RTN1: variants seen among roughly 807,000 people sequenced by gnomAD.
RTN1 encodes reticulon 1.
Under a neutral mutation model 65.5 loss-of-function variants are expected in RTN1, and 25 were observed. The observed-to-expected ratio is 0.38, with a 90% CI of 0.28 to 0.53. The LOEUF is 0.53. Ranked by LOEUF, RTN1 falls within the 20% of genes least tolerant of loss-of-function variation. The pLI is 0.79. For missense variants in RTN1, 983 were observed against 1,025.4 expected, an observed-to-expected ratio of 0.96 and a Z score of 0.57; for synonymous variants, 471 against 447.6, an observed-to-expected ratio of 1.05 and a Z score of -0.66.
chr14:59,749,855 CTATATGTATATTTATATATCTATA>C (rs1293477740), intron 1 of RTN1, among the ~76,000 whole-genome samples: 1 of 104,886 alleles, frequency 9.5e-6, no homozygotes, highest in Non-Finnish European at 1.8e-5. Context: ...ATATATATAT[CTATATGTATATTTATATATCTATA>C]TATATACACA....
rs978187733 is a variant in RTN1 at position 59,603,708 on chromosome 14, T to C, written c.2182+144A>G. On this transcript the variant is annotated intron_variant, in intron 6 of 8. Coordinates refer to ENST00000267484, the MANE Select transcript of RTN1 (RefSeq NM_021136.3). ...ATTATACTCTTTAATTGAACTATGA[T>C]GGTAAGAGAAGTGCTCTGCACTCAG... The C allele has an allele frequency of 5.8e-6, 3 of 515,210 alleles. No homozygotes were observed. In the Admixed American group the frequency reaches 9.2e-5, roughly 16 times the overall value. 31.9% of individuals were successfully genotyped at this position (515,210 alleles called of 1,614,324 possible).
chr14:59,614,937 T>C (rs938224452), intron 3 of RTN1, among the ~76,000 whole-genome samples: 3 of 152,196 alleles, frequency 2.0e-5, no homozygotes, highest in African/African-American at 4.8e-5. Flanking sequence ...GTGTTTTTGG[T>C]AAAAGATTAT....
Position 59,849,931 on chromosome 14 carries a change from C to T in RTN1, c.241+20459G>A, listed in dbSNP as rs1192651174. ...TGTACTTCTCTGTTAACTCTCTTTC[C>T]TGTTTTCTGAATTCCTCCACTTCCT... On this transcript the variant is annotated intron_variant, in intron 1 of 8. Transcript: ENST00000267484. The surrounding 1 kb of genome is among the most constrained non-coding windows in gnomAD (Gnocchi z 4.5). Among the ~76,000 whole-genome samples, 1 of 152,058 alleles carries T rather than the reference C, an allele frequency of 6.6e-6. No individual in the cohort carries two copies. The highest frequency in any genetic ancestry group is 2.4e-5 in the African/African-American group (1 of 41,406).
chr14:59,660,194 C>A (rs1020326159), intron 3 of RTN1, among the ~76,000 whole-genome samples: 1 of 152,130 alleles, frequency 6.6e-6, no homozygotes, highest in African/African-American at 2.4e-5. Flanking sequence ...AGCTGACTAT[C>A]CTAAATATAT....
chr14:59,832,512 G>A (rs1186894201), intron 1 of RTN1, among the ~76,000 whole-genome samples: 1 of 152,182 alleles, frequency 6.6e-6, no homozygotes, highest in Non-Finnish European at 1.5e-5. Flanking sequence ...TGATGTTCCA[G>A]AGGACAATGC....
At chr14:59,867,260 A>G (rs1340919272) in intron 1 of RTN1, among the ~76,000 whole-genome samples, 1 of 152,220 alleles carries the variant, frequency 6.6e-6, no homozygotes, top group Non-Finnish European at 1.5e-5. Context: ...CCAGTAATAA[A>G]ATAACTGATC....
intron 3 of RTN1, among the ~76,000 whole-genome samples, chr14:59,656,659 C>T (rs540418501): frequency 2.0e-5 from 3 of 152,332 alleles, no homozygotes; most frequent in East Asian, 1.9e-4. Flanking sequence ...CTCCTTAGCT[C>T]GGGCCATGAT....
intron 3 of RTN1, chr14:59,610,043 C>G (rs1178156966): frequency 2.7e-6 from 2 of 735,224 alleles, no homozygotes; most frequent in African/African-American, 1.7e-5. Flanking sequence ...TCAGAAGAGC[C>G]TGAAAGGAGT....
intron 3 of RTN1, among the ~76,000 whole-genome samples, chr14:59,716,789 C>T (rs1385737345): frequency 6.7e-6 from 1 of 149,658 alleles, no homozygotes; most frequent in Non-Finnish European, 1.5e-5. Context: ...AATCCCATCC[C>T]TACTAAAAAA....
rs116529100 is a variant in RTN1 at position 59,699,218 on chromosome 14, C to A, written c.1765+27701G>T. Among the ~76,000 whole-genome samples, 513 of 152,094 alleles carry A rather than the reference C, an allele frequency of 3.4e-3. 1 individual carries two copies. The highest frequency in any genetic ancestry group is 0.012 in the African/African-American group (498 of 41,482). The stretch of plus-strand genomic sequence containing the variant: ...GGGTGCACCATAATCTCACAAATCA[C>A]TGCTAAAGTGCTTACATAATCAAAT... On this transcript the variant is annotated intron_variant, in intron 3 of 8. Coordinates refer to ENST00000267484, the MANE Select transcript of RTN1 (RefSeq NM_021136.3).
chr14:59,719,373 C>T (rs1160869503), intron 3 of RTN1, among the ~76,000 whole-genome samples: 2 of 152,176 alleles, frequency 1.3e-5, no homozygotes, highest in Non-Finnish European at 2.9e-5. Flanking sequence ...TTCTCAGTTT[C>T]CTCCTTCTCA....
intron 3 of RTN1, among the ~76,000 whole-genome samples, chr14:59,642,405 C>T (rs905755185): frequency 1.6e-4 from 24 of 151,976 alleles, no homozygotes; most frequent in South Asian, 6.2e-4. Flanking sequence ...ATATTCCTTC[C>T]GACCCATTTT....
chr14:59,861,193 C>T (rs1046934113), intron 1 of RTN1, among the ~76,000 whole-genome samples: 8 of 152,080 alleles, frequency 5.3e-5, no homozygotes, highest in Admixed American at 1.3e-4. Context: ...AGGAACCCAG[C>T]GGGAGGTAAT....
At chr14:59,860,674 G>A (rs1887692592) in intron 1 of RTN1, among the ~76,000 whole-genome samples, 1 of 152,206 alleles carries the variant, frequency 6.6e-6, no homozygotes, top group Non-Finnish European at 1.5e-5. Flanking sequence ...GCTGTACCCT[G>A]AAAAGCCACA....
At chr14:59,605,720 C>T (rs1408238857) in intron 4 of RTN1, 2 of 455,792 alleles carry the variant, frequency 4.4e-6, no homozygotes, top group South Asian at 4.3e-5. Flanking sequence ...CTCAGTGGAG[C>T]ATTGTGACTG....
In RTN1 at chr14:59,849,123, A is replaced by G. The variant is rs572564779; in HGVS notation, c.241+21267T>C. Among the ~76,000 whole-genome samples the G allele has an allele frequency of 2.6e-5, 4 of 152,350 alleles. No individual in the cohort carries two copies. The East Asian group carries it at 7.7e-4, about 29-fold the overall frequency. On this transcript the variant is annotated intron_variant, in intron 1 of 8. Coordinates refer to ENST00000267484, the MANE Select transcript of RTN1 (RefSeq NM_021136.3). This position sits in a 1 kb window ranked among gnomAD's most constrained non-coding sequence, Gnocchi z 4.5. Reference sequence around the variant, plus strand: ...TGGAAACAATAGAATTATGCAAATTAGTTGTCACCCCTACTTAGATTAACC... The same window carrying G: ...TGGAAACAATAGAATTATGCAAATTGGTTGTCACCCCTACTTAGATTAACC...
intron 1 of RTN1, among the ~76,000 whole-genome samples, chr14:59,787,369 T>C (rs970225312): frequency 6.6e-6 from 1 of 152,154 alleles, no homozygotes; most frequent in Non-Finnish European, 1.5e-5. Context: ...GTCTACTCTT[T>C]TGTCAAATGG....
chr14:59,640,082 C>T (rs1334528956), intron 3 of RTN1, among the ~76,000 whole-genome samples: 1 of 152,062 alleles, frequency 6.6e-6, no homozygotes, highest in Non-Finnish European at 1.5e-5. Flanking sequence ...AAATGTTACT[C>T]CCTCCTGTAT....
At chr14:59,693,090 A>G (rs1883994080) in intron 3 of RTN1, among the ~76,000 whole-genome samples, 1 of 152,158 alleles carries the variant, frequency 6.6e-6, no homozygotes, top group Admixed American at 6.6e-5. Context: ...CCCCTTATAA[A>G]AGACACATGA....
Sources: gnomAD v4.1 joint callset for allele counts (sites outside exome capture counted in the v4.1 genomes callset) on GRCh38, gnomAD v4.1.1 for gene constraint, Gnocchi (gnomAD v3.1) non-coding constraint, MANE v1.5 for transcripts, NCBI Gene and HGNC (gene_info 2026-07-23, HGNC 2026-07-21) for gene names.